The following GPC6 variants were observed in gnomAD, a reference collection of about 807,000 sequenced individuals.
GPC6 encodes the protein glypican 6, also known as glypican-6.
Under a neutral mutation model 55.2 loss-of-function variants are expected in GPC6, and 14 were observed. That is an observed-to-expected ratio of 0.25 (90% CI 0.17 to 0.40). The LOEUF is 0.40. GPC6 is among the 10% of genes least tolerant of loss of function. GPC6 has a pLI of 1.00. For synonymous variants in GPC6, 278 were observed against 259.6 expected, an observed-to-expected ratio of 1.07 and a Z score of -0.68; for missense variants, 641 against 708.5, an observed-to-expected ratio of 0.90 and a Z score of 1.08.
chr13:94,376,838 G>C (rs1270913107), intron 6 of GPC6, among the ~76,000 whole-genome samples: 1 of 151,138 alleles, frequency 6.6e-6, no homozygotes, highest in Non-Finnish European at 1.5e-5. Flanking sequence ...CATGGTACTG[G>C]TACCAAAACA....
chr13:93,390,977 A>C (rs1004490075), intron 1 of GPC6, among the ~76,000 whole-genome samples: 1 of 151,916 alleles, frequency 6.6e-6, no homozygotes, highest in Non-Finnish European at 1.5e-5. Flanking sequence ...TACTTAAATA[A>C]ATACTATGTG....
intron 2 of GPC6, among the ~76,000 whole-genome samples, chr13:93,728,416 T>A (rs1407074845): frequency 6.6e-6 from 1 of 150,848 alleles, no homozygotes. Context: ...TATATTTTTA[T>A]TTTTTGTAGA....
intron 4 of GPC6, among the ~76,000 whole-genome samples, chr13:94,275,983 G>A (rs1892189875): frequency 6.6e-6 from 1 of 152,130 alleles, no homozygotes; most frequent in Admixed American, 6.6e-5. Context: ...TTGCTGGTGA[G>A]AATATAAACA....
intron 4 of GPC6, among the ~76,000 whole-genome samples, chr13:94,038,456 A>T (rs1187926935): frequency 5.9e-5 from 9 of 151,918 alleles, no homozygotes; most frequent in Non-Finnish European, 1.3e-4. Flanking sequence ...AAGAGATGAG[A>T]TGTGTGCTTT....
At chr13:93,572,743 A>G (rs55861732) in intron 2 of GPC6, among the ~76,000 whole-genome samples, 1,732 of 152,310 alleles carry the variant, frequency 0.011, 12 homozygotes, top group Non-Finnish European at 0.017. Flanking sequence ...ACGAACCTTT[A>G]GATCTCAATA....
intron 3 of GPC6, among the ~76,000 whole-genome samples, chr13:93,847,400 C>G (rs1396880755): frequency 3.9e-5 from 6 of 152,042 alleles, no homozygotes; most frequent in Non-Finnish European, 8.8e-5. Flanking sequence ...AAAGCTGGCC[C>G]GTCACTGGGT....
At chr13:93,369,097 G>T (rs1254004663) in intron 1 of GPC6, among the ~76,000 whole-genome samples, 1 of 151,968 alleles carries the variant, frequency 6.6e-6, no homozygotes, top group Non-Finnish European at 1.5e-5. Context: ...GAAGAGAGAG[G>T]GGTGCCTCAT....
At chr13:94,079,176 T>C (rs1885022481) in intron 4 of GPC6, among the ~76,000 whole-genome samples, 1 of 152,058 alleles carries the variant, frequency 6.6e-6, no homozygotes, top group Non-Finnish European at 1.5e-5. Flanking sequence ...CATGCAAATA[T>C]ATATGAAGGA....
chr13:93,931,821 T>C (rs1878194718), intron 3 of GPC6, among the ~76,000 whole-genome samples: 1 of 148,944 alleles, frequency 6.7e-6, no homozygotes. Flanking sequence ...GCAGACACAG[T>C]GCTCAATGGT....
At chr13:93,507,061 CAAAAAAAAAA>C (rs56368708) in intron 1 of GPC6, among the ~76,000 whole-genome samples, 16 of 52,132 alleles carry the variant, frequency 3.1e-4, no homozygotes, top group African/African-American at 1.1e-3. Context: ...GACTCCGTCT[CAAAAAAAAAA>C]AAAAAAAAAA....
rs188450235 is a variant in GPC6, at chr13:93,227,320, C to T, written c.-137C>T. The T allele has an allele frequency of 2.3e-3, 1,878 of 800,386 alleles. 22 individuals carry two copies. The African/African-American group carries it at 0.025, about 11-fold the overall frequency. The allele number at this position is 800,386 out of a possible 1,614,324, so 49.6% of individuals were successfully genotyped here. On this transcript the variant is annotated 5_prime_UTR_variant, in exon 1 of 9. Coordinates refer to ENST00000377047, the MANE Select transcript of GPC6 (RefSeq NM_005708.5). The surrounding 1 kb of genome is among the most constrained non-coding windows in gnomAD (Gnocchi z 4.3). The stretch of plus-strand genomic sequence containing the variant: ...GTCCAGAGGGCTGCGCTGCTCGTCC[C>T]CTCGGCTGGCAGAAGGGGGTGACGC...
intron 1 of GPC6, among the ~76,000 whole-genome samples, chr13:93,476,294 G>A (rs1879299538): frequency 6.6e-6 from 1 of 152,016 alleles, no homozygotes; most frequent in Non-Finnish European, 1.5e-5. Flanking sequence ...GTCTGTGTGT[G>A]CGTGCGTGTG....
At chr13:94,022,024 C>A (rs1299215240) in intron 3 of GPC6, among the ~76,000 whole-genome samples, 1 of 151,996 alleles carries the variant, frequency 6.6e-6, no homozygotes, top group Non-Finnish European at 1.5e-5. Context: ...ATGGACATAG[C>A]AAAATGGTTA....
At chr13:94,141,270 A>G (rs1887368183) in intron 4 of GPC6, among the ~76,000 whole-genome samples, 1 of 152,208 alleles carries the variant, frequency 6.6e-6, no homozygotes, top group African/African-American at 2.4e-5. Flanking sequence ...TTTAATTTGC[A>G]GTTGGTTAAA....
intron 3 of GPC6, among the ~76,000 whole-genome samples, chr13:93,998,185 A>G (rs1286903275): frequency 1.3e-5 from 2 of 152,252 alleles, no homozygotes; most frequent in Admixed American, 6.5e-5. Flanking sequence ...TATTATTTCC[A>G]TCATACAGAT....
chr13:93,286,697 G>A (rs935621721), intron 1 of GPC6, among the ~76,000 whole-genome samples: 1 of 152,174 alleles, frequency 6.6e-6, no homozygotes, highest in Non-Finnish European at 1.5e-5. Context: ...AGGTCACTAA[G>A]TTTTATATCC....
intron 3 of GPC6, among the ~76,000 whole-genome samples, chr13:93,901,372 C>T (rs1313515737): frequency 2.7e-5 from 4 of 150,858 alleles, no homozygotes; most frequent in Non-Finnish European, 4.4e-5. Context: ...ATGGCCACAC[C>T]TCACTACTTT....
At chr13:93,949,129 G>A (rs9556343) in intron 3 of GPC6, among the ~76,000 whole-genome samples, 67,595 of 151,810 alleles carry the variant, frequency 0.45, 15,529 homozygotes, top group Non-Finnish European at 0.48. Flanking sequence ...CACTCTCCCT[G>A]GCTCAAATTT....
At chr13:93,957,899 A>G (rs761824897) in intron 3 of GPC6, among the ~76,000 whole-genome samples, 1 of 152,094 alleles carries the variant, frequency 6.6e-6, no homozygotes, top group Non-Finnish European at 1.5e-5. Context: ...TTTTAATAAT[A>G]GCCATTTTGA....
Sources: allele counts gnomAD v4.1 joint callset (sites outside exome capture counted in the v4.1 genomes callset), GRCh38; gene constraint gnomAD v4.1.1; non-coding constraint Gnocchi (gnomAD v3.1); transcripts MANE v1.5; gene names NCBI Gene and HGNC (gene_info 2026-07-23, HGNC 2026-07-21).